STXBP4: variants seen among roughly 807,000 people sequenced by gnomAD.
The protein encoded by STXBP4 is syntaxin-binding protein 4.
In STXBP4, 55 loss-of-function variants were observed where a neutral mutation model predicts 76.1. The ratio of observed to expected loss-of-function variants is 0.72; its 90% CI spans 0.58 to 0.91. The LOEUF (loss-of-function observed/expected upper bound fraction) is 0.91, where lower values mean the gene tolerates loss of function less well. STXBP4 is among the 40% of genes least tolerant of loss of function. The probability of loss-of-function intolerance (pLI) is 0.00; values close to 1 mark genes in which losing one functional copy is unlikely to be tolerated. For missense variants in STXBP4, 618 were observed against 636.9 expected (o/e 0.97, Z 0.32); for synonymous variants, 201 against 220.2 (o/e 0.91, Z 0.77).
intron 16 of STXBP4, among the ~76,000 whole-genome samples, chr17:55,129,128 C>T (rs937056990): frequency 2.6e-5 from 4 of 151,770 alleles, no homozygotes; most frequent in Admixed American, 6.6e-5. Flanking sequence ...CAGGGTTTCA[C>T]CGTGTTGGCC....
intron 16 of STXBP4, among the ~76,000 whole-genome samples, chr17:55,116,160 A>G (rs1306604999): frequency 6.6e-6 from 1 of 151,776 alleles, no homozygotes; most frequent in East Asian, 1.9e-4. Flanking sequence ...TTTAATACTC[A>G]AAGGAAATAT....
the STXBP4 span, among the ~76,000 whole-genome samples, chr17:55,180,817 G>A: frequency 6.6e-6 from 1 of 152,198 alleles, no homozygotes; most frequent in African/African-American, 2.4e-5. Flanking sequence ...CCCATGAAGA[G>A]ACTTAAGACA....
chr17:54,979,500 T>C (rs1000199668), intron 1 of STXBP4, among the ~76,000 whole-genome samples: 1 of 152,164 alleles, frequency 6.6e-6, no homozygotes, highest in South Asian at 2.1e-4. Context: ...AAAGCCTCCT[T>C]TAGCCCCTTT....
chr17:55,108,593 T>C (rs1214432709), intron 16 of STXBP4, among the ~76,000 whole-genome samples: 1 of 152,172 alleles, frequency 6.6e-6, no homozygotes, highest in Non-Finnish European at 1.5e-5. Flanking sequence ...GGGAAAAGCA[T>C]AGTATCTGGG....
the STXBP4 span, among the ~76,000 whole-genome samples, chr17:55,204,114 C>G: frequency 4.0e-5 from 6 of 151,496 alleles, no homozygotes; most frequent in African/African-American, 1.5e-4. Context: ...GTTCCCCTGT[C>G]CTTCTATTTT....
intron 17 of STXBP4, among the ~76,000 whole-genome samples, chr17:55,141,709 GA>G (rs1330894534): frequency 6.6e-6 from 1 of 152,066 alleles, no homozygotes; most frequent in Non-Finnish European, 1.5e-5. Flanking sequence ...GTATATCTTT[GA>G]AAGTTCTTAA....
intron 16 of STXBP4, among the ~76,000 whole-genome samples, chr17:55,085,322 A>G (rs1429936210): frequency 1.3e-5 from 2 of 152,030 alleles, no homozygotes; most frequent in Non-Finnish European, 1.5e-5. Context: ...ACTAACCTGC[A>G]TATTGTGCAC....
chr17:55,014,183 G>C lies in STXBP4; in HGVS notation c.666+6586G>C, dbSNP rs541943359. On this transcript the variant is annotated intron_variant, in intron 8 of 17. Coordinates refer to ENST00000376352, the MANE Select transcript of STXBP4 (RefSeq NM_178509.6). ...GGTTCTAAGTGGGTACTGCCTTTAGGGGGAGGGAGGCAGAATCCTTTAGTT... is the reference window on the plus strand; with the variant it reads ...GGTTCTAAGTGGGTACTGCCTTTAGCGGGAGGGAGGCAGAATCCTTTAGTT... 4.1e-3 allele frequency among the ~76,000 whole-genome samples: 626 copies of C among 152,206 alleles called. 1 individual carries two copies. The highest frequency in any genetic ancestry group is 0.024 in the Middle Eastern group (7 of 294).
intron 8 of STXBP4, among the ~76,000 whole-genome samples, chr17:55,023,254 G>T (rs2078346778): frequency 6.6e-6 from 1 of 152,122 alleles, no homozygotes; most frequent in South Asian, 2.1e-4. Context: ...AAATCCAGAA[G>T]CCACTCCTGC....
chr17:55,204,756 G>C, the STXBP4 span, among the ~76,000 whole-genome samples: 2 of 151,404 alleles, frequency 1.3e-5, no homozygotes, highest in African/African-American at 4.9e-5. Context: ...TTTTCTCTGG[G>C]TTTCTGCTTG....
chr17:55,152,310 T>C (rs1477851970), intron 17 of STXBP4, among the ~76,000 whole-genome samples: 1 of 152,182 alleles, frequency 6.6e-6, no homozygotes, highest in East Asian at 1.9e-4. Flanking sequence ...AAAATAGATA[T>C]ATGAAGAATT....
At chr17:55,055,190 G>A (rs989682009) in intron 12 of STXBP4, among the ~76,000 whole-genome samples, 31 of 152,112 alleles carry the variant, frequency 2.0e-4, no homozygotes, top group Admixed American at 2.0e-3. Context: ...AGGGAAACAC[G>A]GAAAGATGAA....
intron 7 of STXBP4, among the ~76,000 whole-genome samples, chr17:55,006,606 T>C (rs75910457): frequency 0.021 from 3,196 of 152,328 alleles, 84 homozygotes; most frequent in East Asian, 0.15. Context: ...GGACAAAGGC[T>C]CATTTAAATA....
At chr17:54,999,969 G>A (rs1156858396) in intron 6 of STXBP4, 127 bp downstream of exon 6, 2 of 814,660 alleles carry the variant, frequency 2.5e-6, no homozygotes, top group Non-Finnish European at 3.7e-6. Context: ...TTCTTTGAAA[G>A]ATTTTTTTCT....
the STXBP4 span, among the ~76,000 whole-genome samples, chr17:55,187,442 AC>A: frequency 2.0e-5 from 3 of 151,056 alleles, no homozygotes; most frequent in Non-Finnish European, 2.9e-5. Flanking sequence ...AAAAAAAAAA[AC>A]AACAACAACA....
chr17:55,073,759 G>T (rs936442773), intron 13 of STXBP4, among the ~76,000 whole-genome samples: 1 of 152,048 alleles, frequency 6.6e-6, no homozygotes, highest in Non-Finnish European at 1.5e-5. Context: ...CTCCCAAGTA[G>T]CTGCGGTTAC....
intron 16 of STXBP4, among the ~76,000 whole-genome samples, chr17:55,129,184 T>C (rs996239467): frequency 2.6e-5 from 4 of 152,236 alleles, no homozygotes; most frequent in Admixed American, 6.5e-5. Context: ...CGCCTCGGCC[T>C]CCCAAAGGGC....
downstream of STXBP4, among the ~76,000 whole-genome samples, chr17:55,177,617 C>T (rs1169843676): frequency 6.6e-6 from 1 of 152,250 alleles, no homozygotes; most frequent in Non-Finnish European, 1.5e-5. Context: ...CATTCCATCA[C>T]TTTCGAAATG....
chr17:55,204,040 T>C, the STXBP4 span, among the ~76,000 whole-genome samples: 6 of 152,072 alleles, frequency 3.9e-5, no homozygotes, highest in African/African-American at 1.4e-4. Flanking sequence ...GACATTCTTC[T>C]GTTCTATTTT....
Sources: allele counts gnomAD v4.1 joint callset (sites outside exome capture counted in the v4.1 genomes callset), GRCh38; gene constraint gnomAD v4.1.1; transcripts MANE v1.5; gene names NCBI Gene and HGNC (gene_info 2026-07-23, HGNC 2026-07-21).